Variants in TENM2 observed in about 807,000 individuals in gnomAD.
TENM2 encodes the protein teneurin transmembrane protein 2, also known as teneurin-2.
In TENM2, 52 loss-of-function variants were observed where a neutral mutation model predicts 245.2. The observed-to-expected ratio is 0.21, with a 90% CI of 0.17 to 0.27. TENM2 has a LOEUF of 0.27. TENM2 is among the 10% of genes least tolerant of loss of function. The pLI is 1.00. For missense variants in TENM2, 3,046 were observed against 3,666.8 expected (o/e 0.83, Z 4.37); for synonymous variants, 1,363 against 1,438.9 (o/e 0.95, Z 1.19).
At chr5:167,932,170 A>G (rs943316598) in intron 3 of TENM2, among the ~76,000 whole-genome samples, 1 of 152,194 alleles carries the variant, frequency 6.6e-6, no homozygotes, top group Non-Finnish European at 1.5e-5. Flanking sequence ...AGCAGCACAC[A>G]TCTTGCTGCA....
the TENM2 span, among the ~76,000 whole-genome samples, chr5:167,177,469 C>G: frequency 6.6e-6 from 1 of 152,308 alleles, no homozygotes; most frequent in East Asian, 1.9e-4. Context: ...TCTCTGCAGA[C>G]CCATCCTTAT....
chr5:167,416,092 A>G (rs1206391790), intron 2 of TENM2, among the ~76,000 whole-genome samples: 1 of 152,120 alleles, frequency 6.6e-6, no homozygotes, highest in East Asian at 1.9e-4. Context: ...ACATAGTTTG[A>G]GGGATATGTG....
the TENM2 span, among the ~76,000 whole-genome samples, chr5:167,132,113 G>T: frequency 6.6e-6 from 1 of 152,290 alleles, no homozygotes; most frequent in African/African-American, 2.4e-5. Flanking sequence ...GAGCCACCAT[G>T]CCTGGCCCTC....
At chr5:167,052,627 T>G in the TENM2 span, among the ~76,000 whole-genome samples, 1 of 152,200 alleles carries the variant, frequency 6.6e-6, no homozygotes, top group Non-Finnish European at 1.5e-5. Context: ...CATAATTCAC[T>G]TAGATTGATT....
intron 27 of TENM2, among the ~76,000 whole-genome samples, chr5:168,256,684 C>G (rs1334666107): frequency 6.6e-6 from 1 of 152,200 alleles, no homozygotes; most frequent in Non-Finnish European, 1.5e-5. Flanking sequence ...CTCGGCCTCC[C>G]AAAATGCTGG....
the TENM2 span, among the ~76,000 whole-genome samples, chr5:167,220,227 T>C: frequency 3.3e-5 from 5 of 150,398 alleles, no homozygotes; most frequent in Non-Finnish European, 1.5e-5. Context: ...GGGAGGAGAC[T>C]CTTAAGTCTT....
At chr5:167,517,699 A>G (rs1213929108) in intron 2 of TENM2, among the ~76,000 whole-genome samples, 1 of 152,170 alleles carries the variant, frequency 6.6e-6, no homozygotes, top group Non-Finnish European at 1.5e-5. Flanking sequence ...TTAAAAGCAT[A>G]AACAGTAAAC....
chr5:167,296,231 AT>A (rs1181602605), intron 1 of TENM2: 1 of 152,208 alleles, frequency 6.6e-6, no homozygotes, highest in African/African-American at 2.4e-5. Flanking sequence ...GTTCACCCTG[AT>A]TTATGAATAG....
chr5:167,584,342 TG>T (rs1399344039), intron 2 of TENM2, among the ~76,000 whole-genome samples: 3 of 152,204 alleles, frequency 2.0e-5, no homozygotes, highest in African/African-American at 7.2e-5. Flanking sequence ...TTACATCCTA[TG>T]TAAATGAAGA....
the TENM2 span, among the ~76,000 whole-genome samples, chr5:167,185,806 G>A: frequency 6.6e-6 from 1 of 151,976 alleles, no homozygotes; most frequent in African/African-American, 2.4e-5. Flanking sequence ...GAAACCTTTG[G>A]TGTGTCTTTG....
chr5:167,131,142 T>C, the TENM2 span, among the ~76,000 whole-genome samples: 3 of 152,126 alleles, frequency 2.0e-5, no homozygotes, highest in Non-Finnish European at 2.9e-5. Flanking sequence ...TATCTCATCA[T>C]GGTTAGGTTA....
chr5:167,470,454 C>CTTTTTTTTTTTTTTTTTTTTTTTTTTTTT lies in TENM2; in HGVS notation c.502+95003_502+95004insTTTTTTTTTTTTTTTTTTTTTTTTTTTTT, dbSNP rs749016436. Among the ~76,000 whole-genome samples the CTTTTTTTTTTTTTTTTTTTTTTTTTTTTT allele has an allele frequency of 2.7e-3, 130 of 47,392 alleles. 32 individuals are homozygous for CTTTTTTTTTTTTTTTTTTTTTTTTTTTTT. The highest frequency in any genetic ancestry group is 4.0e-3 in the East Asian group (5 of 1,254). The allele number at this position is 47,392 out of a possible 152,430, so 31.1% of individuals were successfully genotyped here. ...TACAGAGAGGTATGGGCAATGCTTG[C>CTTTTTTTTTTTTTTTTTTTTTTTTTTTTT]TTTTTTTTTTTTTTTTTTTTTTGCT... On this transcript the variant is annotated intron_variant, in intron 2 of 28. Coordinates refer to ENST00000518659, the Ensembl canonical transcript of TENM2.
chr5:167,922,903 G>A (rs967878131), intron 3 of TENM2, among the ~76,000 whole-genome samples: 1 of 152,176 alleles, frequency 6.6e-6, no homozygotes, highest in East Asian at 1.9e-4. Flanking sequence ...CATGTCCCTG[G>A]AACAAAGAAA....
chr5:167,652,516 C>T (rs2061446), intron 2 of TENM2, among the ~76,000 whole-genome samples: 83,238 of 151,916 alleles, frequency 0.55, 26,003 homozygotes, highest in Non-Finnish European at 0.72. Flanking sequence ...GGAACACATC[C>T]CCCTTGAATC....
the TENM2 span, among the ~76,000 whole-genome samples, chr5:167,044,448 A>C: frequency 0.63 from 95,533 of 152,006 alleles, 32,098 homozygotes; most frequent in African/African-American, 0.88. Context: ...CATTGTGTCC[A>C]AAACTCAATG....
intron 2 of TENM2, among the ~76,000 whole-genome samples, chr5:167,750,503 G>A (rs560212096): frequency 2.0e-5 from 3 of 152,164 alleles, no homozygotes; most frequent in Admixed American, 6.6e-5. Flanking sequence ...CAGATGGGAA[G>A]CATCAGTGAT....
intron 27 of TENM2, among the ~76,000 whole-genome samples, chr5:168,250,162 GGATGGATGGGTAAATAGAT>G (rs1290394320): frequency 1.0e-4 from 11 of 104,992 alleles, no homozygotes; most frequent in African/African-American, 4.3e-4. Flanking sequence ...ATGGATGGAT[GGATGGATGGGTAAATAGAT>G]GGATAAATTG....
intron 2 of TENM2, among the ~76,000 whole-genome samples, chr5:167,406,975 G>A (rs1016057875): frequency 3.3e-5 from 5 of 152,098 alleles, no homozygotes; most frequent in Non-Finnish European, 5.9e-5. Flanking sequence ...AGAAAATAAG[G>A]TGTTTGTTTA....
intron 2 of TENM2, among the ~76,000 whole-genome samples, chr5:167,640,845 A>G (rs1206028068): frequency 1.5e-3 from 6 of 3,930 alleles, no homozygotes; most frequent in African/African-American, 0.011. Flanking sequence ...ATATATCCAT[A>G]TATATATATA....
Sources: gnomAD v4.1 joint callset for allele counts (sites outside exome capture counted in the v4.1 genomes callset) on GRCh38, gnomAD v4.1.1 for gene constraint, MANE v1.5 for transcripts, NCBI Gene and HGNC (gene_info 2026-07-23, HGNC 2026-07-21) for gene names.